Variants in NTM observed in about 807,000 individuals in gnomAD.
The protein encoded by NTM is IgLON family member 2.
Under a neutral mutation model 42.1 loss-of-function variants are expected in NTM, and 13 were observed. That is an observed-to-expected ratio of 0.31 (90% CI 0.20 to 0.49). The LOEUF (loss-of-function observed/expected upper bound fraction) is 0.49. Ranked by LOEUF, NTM falls within the 20% of genes least tolerant of loss-of-function variation. The pLI is 0.99. For missense variants in NTM, 373 were observed against 452.8 expected (o/e 0.82, Z 1.60); for synonymous variants, 187 against 179.2 (o/e 1.04, Z -0.35).
chr11:131,796,928 T>C (rs531566450), intron 1 of NTM, among the ~76,000 whole-genome samples: 4 of 152,234 alleles, frequency 2.6e-5, no homozygotes, highest in South Asian at 4.1e-4. Flanking sequence ...AAAGTGATCC[T>C]GAGCAATTCA....
intron 7 of NTM, among the ~76,000 whole-genome samples, chr11:132,315,569 T>C (rs891036971): frequency 6.6e-6 from 1 of 152,228 alleles, no homozygotes; most frequent in African/African-American, 2.4e-5. Flanking sequence ...CACTCTTGAA[T>C]GTGATGGGGA....
chr11:132,057,516 T>C (rs756799772), intron 2 of NTM, among the ~76,000 whole-genome samples: 3 of 152,164 alleles, frequency 2.0e-5, no homozygotes, highest in Non-Finnish European at 4.4e-5. Context: ...TTCCTACTCC[T>C]CCCAACATGA....
intron 4 of NTM, among the ~76,000 whole-genome samples, chr11:132,285,624 G>C (rs151134017): frequency 6.6e-6 from 1 of 152,126 alleles, no homozygotes; most frequent in South Asian, 2.1e-4. Context: ...TTCTCCATGA[G>C]TTATATTCAC....
chr11:132,230,218 C>T (rs1420519677), intron 4 of NTM, among the ~76,000 whole-genome samples: 1 of 152,162 alleles, frequency 6.6e-6, no homozygotes, highest in Non-Finnish European at 1.5e-5. Flanking sequence ...TGGGGAACAG[C>T]AAAGCTAATA....
At chr11:132,053,360 T>C (rs146733406) in intron 2 of NTM, among the ~76,000 whole-genome samples, 100 of 152,314 alleles carry the variant, frequency 6.6e-4, no homozygotes, top group Middle Eastern at 6.8e-3. Context: ...AGGTCACCCA[T>C]AGATGAAGAA....
At chr11:132,009,374 T>G (rs1202609892) in intron 2 of NTM, among the ~76,000 whole-genome samples, 3 of 152,176 alleles carry the variant, frequency 2.0e-5, no homozygotes, top group Non-Finnish European at 4.4e-5. Context: ...TGGGAGAGCC[T>G]GTCAGATGGG....
chr11:131,952,250 C>A (rs1046501428), intron 2 of NTM, among the ~76,000 whole-genome samples: 1 of 152,202 alleles, frequency 6.6e-6, no homozygotes, highest in African/African-American at 2.4e-5. Flanking sequence ...AACATAATTT[C>A]TAACTGTATT....
At chr11:131,823,657 T>C (rs963898448) in intron 1 of NTM, among the ~76,000 whole-genome samples, 3 of 152,248 alleles carry the variant, frequency 2.0e-5, no homozygotes, top group African/African-American at 7.2e-5. Context: ...ATTATTAATG[T>C]TCTTGCTTAA....
At chr11:131,473,707 G>A (rs1402655899) in intron 1 of NTM, among the ~76,000 whole-genome samples, 2 of 152,112 alleles carry the variant, frequency 1.3e-5, no homozygotes, top group Non-Finnish European at 2.9e-5. Context: ...AGAGGGAGGG[G>A]CTCACTCTCT....
intron 1 of NTM, among the ~76,000 whole-genome samples, chr11:131,527,580 T>C (rs1195721671): frequency 6.6e-6 from 1 of 152,224 alleles, no homozygotes; most frequent in African/African-American, 2.4e-5. Context: ...GGAAAAAGCC[T>C]CATTATTGAA....
chr11:131,458,440 T>C (rs1197221712), intron 1 of NTM, among the ~76,000 whole-genome samples: 1 of 152,182 alleles, frequency 6.6e-6, no homozygotes, highest in Non-Finnish European at 1.5e-5. Flanking sequence ...GCGGAGCTCC[T>C]TCCCCAGCCT....
intron 1 of NTM, among the ~76,000 whole-genome samples, chr11:131,893,695 C>T (rs1323906552): frequency 6.6e-6 from 1 of 152,192 alleles, no homozygotes; most frequent in Non-Finnish European, 1.5e-5. Context: ...AAGCCCCTTA[C>T]AGCAGATGCT....
chr11:131,826,554 C>T (rs967214921), intron 1 of NTM, among the ~76,000 whole-genome samples: 4 of 93,018 alleles, frequency 4.3e-5, no homozygotes, highest in East Asian at 4.0e-4. Flanking sequence ...AGGGATTGGT[C>T]GTAATATTCT....
intron 1 of NTM, among the ~76,000 whole-genome samples, chr11:131,494,596 G>A (rs2136316168): frequency 6.6e-6 from 1 of 152,292 alleles, no homozygotes; most frequent in South Asian, 2.1e-4. Flanking sequence ...CAGATGATTG[G>A]TCACTCCATT....
intron 1 of NTM, among the ~76,000 whole-genome samples, chr11:131,504,478 G>T (rs185283665): frequency 9.2e-5 from 14 of 152,286 alleles, no homozygotes; most frequent in Non-Finnish European, 1.3e-4. Context: ...TCTTGGCAGA[G>T]AATTGGAAGG....
chr11:132,088,935 C>CA (rs1405835692), intron 2 of NTM, among the ~76,000 whole-genome samples: 2 of 150,858 alleles, frequency 1.3e-5, no homozygotes, highest in Non-Finnish European at 3.0e-5. Context: ...GATTTGGAAA[C>CA]AAAAAGAAGC....
chr11:132,228,345 A>G (rs1162476246), intron 4 of NTM, among the ~76,000 whole-genome samples: 5 of 152,172 alleles, frequency 3.3e-5, no homozygotes, highest in African/African-American at 1.2e-4. Flanking sequence ...GGTTTCAATA[A>G]TGTTAGGGAT....
At chr11:131,435,200 T>G (rs374256887) in intron 1 of NTM, among the ~76,000 whole-genome samples, 27 of 152,214 alleles carry the variant, frequency 1.8e-4, no homozygotes, top group African/African-American at 4.1e-4. Context: ...TAGCCTTGTA[T>G]TATAGTTTGA....
At chr11:131,729,747 C>A (rs2135471323) in intron 1 of NTM, among the ~76,000 whole-genome samples, 1 of 152,236 alleles carries the variant, frequency 6.6e-6, no homozygotes, top group African/African-American at 2.4e-5. Context: ...GCATAAAAAG[C>A]ACTTTTTTTC....
Sources: gnomAD v4.1 joint callset for allele counts (sites outside exome capture counted in the v4.1 genomes callset) on GRCh38, gnomAD v4.1.1 for gene constraint, MANE v1.5 for transcripts, NCBI Gene and HGNC (gene_info 2026-07-23, HGNC 2026-07-21) for gene names.